Variants in CCDC180 observed in about 807,000 individuals in gnomAD.
The protein encoded by CCDC180 is coiled-coil domain-containing protein 180.
In CCDC180, 154 loss-of-function variants were observed where a neutral mutation model predicts 209.2. The observed-to-expected ratio is 0.74, with a 90% CI of 0.65 to 0.84. The LOEUF is 0.84. CCDC180 is among the 40% of genes least tolerant of loss of function. CCDC180 has a pLI of 0.00. For synonymous variants in CCDC180, 778 were observed against 749.1 expected (o/e 1.04, Z -0.63); for missense variants, 1,874 against 1,997.3 (o/e 0.94, Z 1.18).
intron 22 of CCDC180, 58 bp from the exon 23 acceptor site, chr9:97,354,510 GA>G: frequency 1.3e-6 from 2 of 1,553,998 alleles, no homozygotes; most frequent in Non-Finnish European, 1.8e-6. Flanking sequence ...CAGTATTTGG[GA>G]TAGATGAGAA....
intron 22 of CCDC180, among the ~76,000 whole-genome samples, 192 bp from the exon 23 acceptor site, chr9:97,354,377 A>G (rs1397934696): frequency 6.6e-6 from 1 of 152,170 alleles, no homozygotes; most frequent in African/African-American, 2.4e-5. Flanking sequence ...AACCTGATGA[A>G]CTGACAAAAA....
intron 35 of CCDC180, 134 bp from the exon 36 acceptor site, chr9:97,375,320 T>C: frequency 5.7e-6 from 7 of 1,219,354 alleles, no homozygotes; most frequent in Non-Finnish European, 8.1e-6. Context: ...TCAGTATGTT[T>C]TTTCTTTTCA....
Position 97,375,556 on chromosome 9 carries a change from G to A in CCDC180, c.4809G>A (p.Leu1603=). The change falls in exon 36 of 37, where the codon CTG becomes CTA. Residue 1603 remains leucine (L), a synonymous_variant. Transcript: ENST00000529487. ...CCACCAAAACCACCCTGGGCCACCT[G>A]GCGGCCGTGGAAGCCCGAGATGCTG... ...ISTTKTTLGH[L]AAVEARDAVY... is the part of the protein sequence containing the mutation. The A allele has an allele frequency of 6.2e-7, 1 of 1,614,214 alleles. No homozygotes were observed. The highest frequency in any genetic ancestry group is 8.5e-7 in the Non-Finnish European group (1 of 1,180,034).
At chr9:97,360,225 G>T in intron 26 of CCDC180, 124 bp downstream of exon 26, 1 of 1,159,774 alleles carries the variant, frequency 8.6e-7, no homozygotes, top group Non-Finnish European at 1.2e-6. Context: ...GGGACATCAG[G>T]CTTACTGAGA....
chr9:97,333,706 G>A (rs1187752668), intron 18 of CCDC180, among the ~76,000 whole-genome samples: 1 of 151,442 alleles, frequency 6.6e-6, no homozygotes, highest in African/African-American at 2.4e-5. Context: ...ATGGCTGTTG[G>A]AGTTTTTTTT....
intron 21 of CCDC180, 115 bp downstream of exon 21, chr9:97,349,406 A>G (rs1826361811): frequency 2.4e-6 from 2 of 847,632 alleles, no homozygotes; most frequent in African/African-American, 3.4e-5. Flanking sequence ...GCACCTCCAG[A>G]GCCTTCTTTT....
chr9:97,329,957 A>T (rs920083352), intron 16 of CCDC180, among the ~76,000 whole-genome samples, 197 bp from the exon 17 acceptor site: 2 of 151,358 alleles, frequency 1.3e-5, no homozygotes, highest in African/African-American at 4.9e-5. Context: ...AGTCCCAGCT[A>T]CTCGGGAGGC....
chr9:97,309,457 C>T lies in CCDC180; in HGVS notation c.113C>T (p.Ala38Val). Residue 38 changes from alanine (A) to valine (V), a missense_variant, in exon 3 of 37, where the codon GCA becomes GTA. By Grantham distance (64) the Ala-to-Val change is moderately conservative. Transcript: ENST00000529487. ...HSLAATRKRA[A>V]ERSVTLKSGR... is the part of the protein sequence containing the mutation. Reference sequence around the variant, plus strand: ...CTGGCGGCCACCAGGAAGCGGGCTGCAGAGCGTTCTGTGACCCTGAAGAGT... The same window carrying T: ...CTGGCGGCCACCAGGAAGCGGGCTGTAGAGCGTTCTGTGACCCTGAAGAGT... 5 of 1,604,392 alleles carry T rather than the reference C, an allele frequency of 3.1e-6. No homozygotes were observed. The highest frequency in any genetic ancestry group is 2.3e-5 in the East Asian group (1 of 43,928).
chr9:97,341,950 C>G (rs1826094669), intron 18 of CCDC180, among the ~76,000 whole-genome samples: 1 of 152,188 alleles, frequency 6.6e-6, no homozygotes, highest in African/African-American at 2.4e-5. Context: ...TAGCAGTGAG[C>G]AAGGCTCTGT....
intron 34 of CCDC180, chr9:97,374,082 C>G: frequency 6.2e-6 from 1 of 160,472 alleles, no homozygotes; most frequent in Non-Finnish European, 1.4e-5. Context: ...CACACAGAGC[C>G]CCCCACCCCC....
chr9:97,308,428 T>C (rs7849353), intron 2 of CCDC180, among the ~76,000 whole-genome samples: 27,805 of 152,208 alleles, frequency 0.18, 3,697 homozygotes, highest in African/African-American at 0.37. Context: ...ACATGACTAA[T>C]TTTTGTATTT....
At chr9:97,308,156 T>C (rs762471822) in intron 2 of CCDC180, 24 bp downstream of exon 2, 26 of 1,544,272 alleles carry the variant, frequency 1.7e-5, no homozygotes, top group Non-Finnish European at 2.2e-5. Context: ...TCTGTCCCGC[T>C]TTTCTCCATC....
intron 18 of CCDC180, among the ~76,000 whole-genome samples, chr9:97,342,115 GAC>G (rs1028102734): frequency 1.3e-5 from 2 of 152,220 alleles, no homozygotes; most frequent in African/African-American, 4.8e-5. Flanking sequence ...GAAATCCCCC[GAC>G]CCCTTGCGCT....
At chr9:97,313,446 C>A (rs1833057689) in intron 5 of CCDC180, 101 bp downstream of exon 5, 20 of 753,930 alleles carry the variant, frequency 2.7e-5, no homozygotes, top group Non-Finnish European at 2.2e-5. Context: ...CAGAGAGGTC[C>A]TCAGGGGCTC....
rs778579527 is a variant in CCDC180, at chr9:97,307,778, C to G, written c.-110C>G. On this transcript the variant is annotated 5_prime_UTR_variant, in exon 1 of 37. Transcript: ENST00000529487. ...GCCATGCGCGGCGGGGAGAACCGGC[C>G]TCCTGCTCGAGTTCAGAGCTCATCT... The G allele has an allele frequency of 3.7e-6, 6 of 1,614,222 alleles. No individual in the cohort carries two copies. In the South Asian group the frequency reaches 5.5e-5, roughly 15 times the overall value.
chr9:97,378,676 T>G lies in CCDC180; in HGVS notation c.*1782T>G, dbSNP rs1227462514. On this transcript the variant is annotated 3_prime_UTR_variant, in exon 37 of 37. Transcript: ENST00000529487. ...CCTCTGTCGGACAAGGGCGAGGATG[T>G]CCCATGCAGGGCTCCTAGAAAGAAG... Among the ~76,000 whole-genome samples the G allele has an allele frequency of 6.6e-6, 1 of 152,206 alleles. No homozygotes were observed. Among genetic ancestry groups the G allele is most frequent in the Non-Finnish European group, 1.5e-5 (1 of 68,028 alleles).
At position 97,343,527 on chromosome 9, in the gene CCDC180, C is replaced by A. The variant is rs768496411; in HGVS notation, c.2462C>A (p.Thr821Lys). The change falls in exon 19 of 37, where the codon ACA becomes AAA. Residue 821 changes from threonine to lysine, a missense_variant. Coordinates refer to ENST00000529487, the MANE Select transcript of CCDC180 (RefSeq NM_020893.6). ...TSSAKFIEQVTIPSRLILEIK... is the reference protein window; with the variant it reads ...TSSAKFIEQVKIPSRLILEIK... ...AGTGCCAAGTTCATAGAACAAGTGA[C>A]AATTCCATCGAGACTAATTTTAGAA... 1.2e-6 allele frequency: 2 copies of A among 1,613,388 alleles called. No homozygotes were observed. Among genetic ancestry groups the A allele is most frequent in the Non-Finnish European group, 1.7e-6 (2 of 1,179,730 alleles).
At position 97,314,531 on chromosome 9, in the gene CCDC180, C is replaced by A; in HGVS notation, c.588+10C>A. On this transcript the variant is annotated intron_variant, in intron 6 of 36. Transcript: ENST00000529487. ...GGACTACACCATCCAAGTAGGGGTC[C>A]CTTCGTGGCTGGGCCTGCCCCACCC... 1 of 1,614,018 alleles carries A rather than the reference C, an allele frequency of 6.2e-7. No individual in the cohort carries two copies. The highest frequency in any genetic ancestry group is 8.5e-7 in the Non-Finnish European group (1 of 1,179,938).
chr9:97,323,795 C>A lies in CCDC180; in HGVS notation c.1263C>A (p.Asp421Glu). ...ACACACTCCAGAAGCAGCTGCTGGA[C>A]TGGAAAGCCTTCACTGAGGAGGAGG... Reference protein sequence around the residue: ...HVQNCKKQLLDWKAFTEEEAE... With the variant: ...HVQNCKKQLLEWKAFTEEEAE... Residue 421 changes from aspartate to glutamate, a missense_variant, in exon 13 of 37, where the codon GAC (aspartate) becomes GAA (glutamate). Transcript: ENST00000529487. 1 of 1,558,690 alleles carries A rather than the reference C, an allele frequency of 6.4e-7. No homozygotes were observed. The highest frequency in any genetic ancestry group is 8.7e-7 in the Non-Finnish European group (1 of 1,150,448).
Sources: allele counts gnomAD v4.1 joint callset (sites outside exome capture counted in the v4.1 genomes callset), GRCh38; gene constraint gnomAD v4.1.1; transcripts MANE v1.5; gene names NCBI Gene and HGNC (gene_info 2026-07-23, HGNC 2026-07-21).